Variants in USH2A observed in about 807,000 individuals in gnomAD.
USH2A encodes Usher syndrome 2A (autosomal recessive, mild).
USH2A carries 443 observed loss-of-function variants against 538.9 expected under a neutral mutation model. That is an observed-to-expected ratio of 0.82 (90% confidence interval 0.76 to 0.89). USH2A has a LOEUF of 0.89. Ranked by LOEUF, USH2A falls within the 40% of genes least tolerant of loss-of-function variation. The pLI is 0.00. For missense variants in USH2A, 6,633 were observed against 6,324.8 expected (o/e 1.05, Z -1.65); for synonymous variants, 2,413 against 2,273.5 (o/e 1.06, Z -1.75).
chr1:215,659,363 G>A (rs184646217), intron 64 of USH2A, among the ~76,000 whole-genome samples: 6 of 152,264 alleles, frequency 3.9e-5, no homozygotes, highest in Admixed American at 3.9e-4. Context: ...TAGTGAGTAA[G>A]GGCCGGAAAG....
intron 14 of USH2A, among the ~76,000 whole-genome samples, chr1:216,224,943 TA>T (rs1307022928): frequency 6.6e-6 from 1 of 152,190 alleles, no homozygotes; most frequent in Non-Finnish European, 1.5e-5. Context: ...ATGTAATTTT[TA>T]TAAATGTAAA....
chr1:215,638,105 T>C (rs1656556959), intron 69 of USH2A, among the ~76,000 whole-genome samples: 1 of 152,224 alleles, frequency 6.6e-6, no homozygotes, highest in Non-Finnish European at 1.5e-5. Context: ...TCCAAATTTA[T>C]CATTCTAGGC....
At chr1:215,866,520 G>T (rs1368833617) in intron 44 of USH2A, among the ~76,000 whole-genome samples, 1 of 152,198 alleles carries the variant, frequency 6.6e-6, no homozygotes, top group African/African-American at 2.4e-5. Flanking sequence ...CCACTGGGAA[G>T]AATCTGTTCC....
At chr1:215,756,214 G>T (rs1423960384) in intron 58 of USH2A, among the ~76,000 whole-genome samples, 1 of 152,094 alleles carries the variant, frequency 6.6e-6, no homozygotes, top group African/African-American at 2.4e-5. Context: ...GGAGAAAATT[G>T]AGGCCTAGAG....
At position 215,674,250 on chromosome 1, in the gene USH2A, G is replaced by C; in HGVS notation, c.13661C>G (p.Pro4554Arg). 1 of 1,614,116 alleles carries C rather than the reference G, an allele frequency of 6.2e-7. No homozygotes were observed. The highest frequency in any genetic ancestry group is 8.5e-7 in the Non-Finnish European group (1 of 1,180,016). The change falls in exon 63 of 72, where the codon CCT becomes CGT. Residue 4554 changes from proline (P) to arginine (R), a missense_variant. By Grantham distance (103) the Pro-to-Arg change is moderately radical. Coordinates refer to ENST00000307340, the MANE Select transcript of USH2A (RefSeq NM_206933.4). Reference sequence around the variant, plus strand: ...GATATCACCATTTGTTCTCACTGGAGGGTCCCAGTTCACTAAGATCTCCTG... The same window carrying C: ...GATATCACCATTTGTTCTCACTGGACGGTCCCAGTTCACTAAGATCTCCTG... ...GPQEILVNWD[P>R]PVRTNGDIIN...
intron 46 of USH2A, among the ~76,000 whole-genome samples, chr1:215,842,017 G>T (rs1033448303): frequency 2.6e-5 from 4 of 152,114 alleles, no homozygotes; most frequent in African/African-American, 4.8e-5. Flanking sequence ...GACATATAAA[G>T]GGATTATTCA....
chr1:215,904,208 A>G (rs1375086961), intron 38 of USH2A, among the ~76,000 whole-genome samples: 7 of 152,100 alleles, frequency 4.6e-5, no homozygotes, highest in Non-Finnish European at 1.0e-4. Context: ...CCCTGAAAAA[A>G]TTAGTTTTTA....
intron 37 of USH2A, among the ~76,000 whole-genome samples, chr1:215,949,776 C>T (rs1571839110): frequency 6.6e-6 from 1 of 151,828 alleles, no homozygotes; most frequent in African/African-American, 2.4e-5. Context: ...CATAAAAAGA[C>T]CAAAAAGATA....
intron 32 of USH2A, among the ~76,000 whole-genome samples, chr1:216,030,166 C>A (rs1226182554): frequency 1.4e-5 from 2 of 139,280 alleles, no homozygotes; most frequent in Non-Finnish European, 3.0e-5. Flanking sequence ...TATAGATATA[C>A]ATAACAGATA....
intron 32 of USH2A, among the ~76,000 whole-genome samples, chr1:216,005,361 A>G (rs1417332231): frequency 1.3e-5 from 2 of 152,178 alleles, no homozygotes; most frequent in Non-Finnish European, 2.9e-5. Flanking sequence ...TAATTACTAA[A>G]ACAAGTTCAA....
At chr1:216,086,200 A>C (rs1426107442) in intron 24 of USH2A, among the ~76,000 whole-genome samples, 1 of 152,068 alleles carries the variant, frequency 6.6e-6, no homozygotes, top group Non-Finnish European at 1.5e-5. Flanking sequence ...CTATAGCTCA[A>C]TTATAGCACT....
intron 61 of USH2A, among the ~76,000 whole-genome samples, chr1:215,701,835 A>G (rs953925189): frequency 1.1e-4 from 16 of 152,264 alleles, no homozygotes; most frequent in African/African-American, 3.9e-4. Flanking sequence ...TAATATTGTT[A>G]TGTGTGAATT....
At chr1:215,817,317 A>C (rs912491741) in intron 47 of USH2A, 122 bp from the exon 48 acceptor site, 55 of 456,806 alleles carry the variant, frequency 1.2e-4, no homozygotes, top group Non-Finnish European at 1.7e-4. Flanking sequence ...ATATGTTTAT[A>C]TATGAAATCA....
Position 216,066,527 on chromosome 1 carries a change from T to C in USH2A, c.6049+3574A>G, listed in dbSNP as rs560352855. 7.8e-4 allele frequency among the ~76,000 whole-genome samples: 119 copies of C among 152,220 alleles called. 5 individuals carry two copies. In the South Asian group the frequency reaches 0.024, roughly 31 times the overall value. ...CATTTCTTGAGAAATTACCAAGCAT[T>C]AAGCATAATGTTACACACTTTACAG... On this transcript the variant is annotated intron_variant, in intron 30 of 71. Transcript: ENST00000307340.
chr1:216,408,105 GC>G (rs1483477332), intron 3 of USH2A, among the ~76,000 whole-genome samples: 2 of 152,140 alleles, frequency 1.3e-5, no homozygotes, highest in African/African-American at 4.8e-5. Flanking sequence ...ATTATTAATT[GC>G]TAATTCTTCT....
chr1:215,675,952 G>T (rs1658008902), intron 62 of USH2A, among the ~76,000 whole-genome samples: 1 of 152,012 alleles, frequency 6.6e-6, no homozygotes, highest in Admixed American at 6.6e-5. Context: ...TTAAAGTAGA[G>T]AATAGTATTA....
chr1:216,117,825 TACACAGATATATATATACAC>T (rs1300309009), intron 21 of USH2A, among the ~76,000 whole-genome samples: 4 of 140,480 alleles, frequency 2.8e-5, no homozygotes, highest in Non-Finnish European at 6.2e-5. Context: ...TATATATATA[TACACAGATATATATATACAC>T]ACACAGATAT....
rs148273136 is a variant in USH2A at position 216,000,629 on chromosome 1, C to T, written c.6326-67G>A. The T allele has an allele frequency of 5.7e-6, 9 of 1,566,862 alleles. No individual in the cohort carries two copies. The African/African-American group carries it at 1.1e-4, about 19-fold the overall frequency. On this transcript the variant is annotated intron_variant, in intron 32 of 71. Coordinates refer to ENST00000307340, the MANE Select transcript of USH2A (RefSeq NM_206933.4). ...TTCTTATTGAGGAGATTTCACTCCT[C>T]CACTATAGTCCTATCTCAGAGAATT...
intron 21 of USH2A, among the ~76,000 whole-genome samples, chr1:216,120,246 A>AAAAAAAAAAAAAAAC: frequency 7.5e-6 from 1 of 133,446 alleles, no homozygotes; most frequent in South Asian, 2.4e-4. Context: ...AAAAAAAAAA[A>AAAAAAAAAAAAAAAC]AAAAATGGCT....
Sources: allele counts gnomAD v4.1 joint callset (sites outside exome capture counted in the v4.1 genomes callset), GRCh38; gene constraint gnomAD v4.1.1; transcripts MANE v1.5; gene names NCBI Gene and HGNC (gene_info 2026-07-23, HGNC 2026-07-21).